BBS4: variants seen among roughly 807,000 people sequenced by gnomAD.
BBS4 encodes the protein Bardet-Biedl syndrome 4.
In BBS4, 58 loss-of-function variants were observed where a neutral mutation model predicts 71.4. That is an observed-to-expected ratio of 0.81 (90% confidence interval 0.66 to 1.01). The LOEUF is 1.01. Among genes scored for constraint, BBS4 ranks in the 50% least tolerant of loss-of-function variants. The probability of loss-of-function intolerance (pLI) is 0.00; values close to 1 mark genes in which losing one functional copy is unlikely to be tolerated. For missense variants in BBS4, 660 were observed against 607.9 expected, an observed-to-expected ratio of 1.09 and a Z score of -0.90; for synonymous variants, 228 against 216.8, an observed-to-expected ratio of 1.05 and a Z score of -0.46.
intron 3 of BBS4, among the ~76,000 whole-genome samples, chr15:72,710,220 T>TTTTG (rs2065343526): frequency 8.2e-6 from 1 of 121,236 alleles, no homozygotes; most frequent in African/African-American, 3.2e-5. Context: ...TTTTTTTTTT[T>TTTTG]GAGATGGAGT....
At chr15:72,715,435 C>T in intron 5 of BBS4, 33 bp downstream of exon 5, 1 of 1,449,844 alleles carries the variant, frequency 6.9e-7, no homozygotes. Context: ...CCCTAGGGCA[C>T]TCACAGAGAA....
rs191723284 is a variant in BBS4, at chr15:72,711,091, G to A, written c.157-1153G>A. On this transcript the variant is annotated intron_variant, in intron 3 of 15. Coordinates refer to ENST00000268057, the MANE Select transcript of BBS4 (RefSeq NM_033028.5). ...GCTGGGATTACAGGCGTGAGCCACC[G>A]CACCCGGCCCATACCAGTTTTTTTT... Among the ~76,000 whole-genome samples, 49 of 149,972 alleles carry A rather than the reference G, an allele frequency of 3.3e-4. 1 individual carries two copies. In the East Asian group the frequency reaches 9.3e-3, roughly 28 times the overall value.
intron 6 of BBS4, among the ~76,000 whole-genome samples, chr15:72,720,788 A>G (rs2065557853): frequency 1.3e-5 from 2 of 152,282 alleles, no homozygotes; most frequent in South Asian, 4.1e-4. Flanking sequence ...CACTGTACCA[A>G]CTGCCTTTGC....
Position 72,738,027 on chromosome 15 carries a change from G to T in BBS4, c.*440G>T. On this transcript the variant is annotated 3_prime_UTR_variant, in exon 16 of 16. Transcript: ENST00000268057. ...ACTGAGGTGATCCTCAGGTTGTGAGGTTTATTAGTCCCCAAGGCAAACACA... is the reference window on the plus strand; with the variant it reads ...ACTGAGGTGATCCTCAGGTTGTGAGTTTTATTAGTCCCCAAGGCAAACACA... The T allele has an allele frequency of 2.2e-6, 1 of 454,094 alleles. No homozygotes were observed. The highest frequency in any genetic ancestry group is 1.6e-5 in the South Asian group (1 of 64,466). 28.1% of individuals were successfully genotyped at this position (454,094 alleles called of 1,614,324 possible). A position where few individuals can be genotyped will look rare whatever the true frequency, so the allele number is the denominator to read the frequency against.
chr15:72,719,375 C>T (rs530461544), intron 6 of BBS4, among the ~76,000 whole-genome samples: 6 of 151,658 alleles, frequency 4.0e-5, no homozygotes, highest in African/African-American at 1.5e-4. Flanking sequence ...CTGCCTCTGC[C>T]TCCTGAGTAG....
chr15:72,724,671 T>G lies in BBS4; in HGVS notation c.587+16T>G. 6.2e-7 allele frequency: 1 copy of G among 1,613,682 alleles called. No individual in the cohort carries two copies. The highest frequency in any genetic ancestry group is 8.5e-7 in the Non-Finnish European group (1 of 1,179,690). ...AAGCAGTGGAGTAAGTGTATCTGTTTCCTTTAAAACAGTGAGAAACTAAAA... is the reference window on the plus strand; with the variant it reads ...AAGCAGTGGAGTAAGTGTATCTGTTGCCTTTAAAACAGTGAGAAACTAAAA... On this transcript the variant is annotated intron_variant, in intron 8 of 15. Coordinates refer to ENST00000268057, the MANE Select transcript of BBS4 (RefSeq NM_033028.5).
At position 72,735,140 on chromosome 15, in the gene BBS4, A is replaced by G. The variant is rs1173225431; in HGVS notation, c.1064A>G (p.Glu355Gly). The G allele has an allele frequency of 7.4e-6, 12 of 1,613,814 alleles. No homozygotes were observed. Among genetic ancestry groups the G allele is most frequent in the Admixed American group, 1.7e-5 (1 of 60,014 alleles). Residue 355 changes from glutamate (E) to glycine (G), a missense_variant, in exon 13 of 16, where the codon GAA becomes GGA. By Grantham distance (98) the Glu-to-Gly change is moderately conservative. Transcript: ENST00000268057. ...AVALTNLEDI[E>G]NAKRAYAEAV... ...GCTCTGACCAATCTGGAAGATATAG[A>G]AAATGCCAAGAGAGCCTACGCAGAA...
At chr15:72,689,913 C>G (rs2064953530) in intron 1 of BBS4, among the ~76,000 whole-genome samples, 1 of 152,086 alleles carries the variant, frequency 6.6e-6, no homozygotes, top group African/African-American at 2.4e-5. Flanking sequence ...CGGGTTCACG[C>G]CATTCTCCAG....
At position 72,724,637 on chromosome 15, in the gene BBS4, T is replaced by G; in HGVS notation, c.569T>G (p.Val190Gly). The G allele has an allele frequency of 6.2e-7, 1 of 1,613,988 alleles. No individual in the cohort carries two copies. The highest frequency in any genetic ancestry group is 8.5e-7 in the Non-Finnish European group (1 of 1,179,928). The change falls in exon 8 of 16, where the codon GTC becomes GGC. Residue 190 changes from valine to glycine, a missense_variant. Physicochemically the swap from Val to Gly is moderately radical, Grantham distance 109. Coordinates refer to ENST00000268057, the MANE Select transcript of BBS4 (RefSeq NM_033028.5). ...GGAGACTTGGACAAGGCCATTGAAGTCTACAAGAAAGCAGTGGAGTAAGTG... is the reference window on the plus strand; with the variant it reads ...GGAGACTTGGACAAGGCCATTGAAGGCTACAAGAAAGCAGTGGAGTAAGTG... Reference protein sequence around the residue: ...LEGDLDKAIEVYKKAVEFSPE... With the variant: ...LEGDLDKAIEGYKKAVEFSPE...
intron 2 of BBS4, among the ~76,000 whole-genome samples, chr15:72,706,418 G>A (rs2065265657): frequency 6.6e-6 from 1 of 152,124 alleles, no homozygotes; most frequent in African/African-American, 2.4e-5. Context: ...TTACAGGCGT[G>A]AGTCACCACC....
At chr15:72,686,895 G>T in intron 1 of BBS4, 1 of 298,536 alleles carries the variant, frequency 3.3e-6, no homozygotes, top group Non-Finnish European at 6.6e-6. Context: ...GGGTTTGAAA[G>T]CCTGTTCTGT....
intron 1 of BBS4, among the ~76,000 whole-genome samples, chr15:72,687,662 T>A (rs1308671819): frequency 6.6e-6 from 1 of 151,756 alleles, no homozygotes; most frequent in African/African-American, 2.4e-5. Flanking sequence ...GCTCAGTGGC[T>A]CACGCCTGTA....
chr15:72,715,378 A>AT lies in BBS4; in HGVS notation c.308_309insT (p.Leu104ProfsTer15). ...GTTCTTAGTCCTCAGAGTGCTGATAACCTCAAGCAGGTGGCCAGATCTTTG... is the reference window on the plus strand; with the variant it reads ...GTTCTTAGTCCTCAGAGTGCTGATAATCCTCAAGCAGGTGGCCAGATCTTTG... On this transcript the variant is annotated frameshift_variant, in exon 5 of 16. Coordinates refer to ENST00000268057, the MANE Select transcript of BBS4 (RefSeq NM_033028.5). LOFTEE classifies it high-confidence loss of function. 1 of 1,613,874 alleles carries AT rather than the reference A, an allele frequency of 6.2e-7. No individual in the cohort carries two copies. Among genetic ancestry groups the AT allele is most frequent in the East Asian group, 2.2e-5 (1 of 44,878 alleles).
rs367767132 is a variant in BBS4, at chr15:72,735,152, G to A, written c.1076G>A (p.Arg359Lys). The change falls in exon 13 of 16, where the codon AGA (arginine) becomes AAA (lysine). Residue 359 changes from arginine to lysine, a missense_variant. Transcript: ENST00000268057. ...CTGGAAGATATAGAAAATGCCAAGA[G>A]AGCCTACGCAGAAGCAGTCCACCTG... ...TNLEDIENAK[R>K]AYAEAVHLDK... 5.6e-6 allele frequency: 9 copies of A among 1,613,746 alleles called. No individual in the cohort carries two copies. Among genetic ancestry groups the A allele is most frequent in the Non-Finnish European group, 7.6e-6 (9 of 1,179,842 alleles).
intron 8 of BBS4, among the ~76,000 whole-genome samples, chr15:72,727,352 A>T (rs2065722494): frequency 6.6e-6 from 1 of 152,208 alleles, no homozygotes; most frequent in South Asian, 2.1e-4. Context: ...GCAATCCCTG[A>T]TGTGAGTATT....
At chr15:72,687,321 A>G (rs994951154) in intron 1 of BBS4, among the ~76,000 whole-genome samples, 15 of 151,860 alleles carry the variant, frequency 9.9e-5, no homozygotes, top group African/African-American at 1.5e-4. Flanking sequence ...TAAAATAGCT[A>G]GGCCGGACGC....
intron 2 of BBS4, among the ~76,000 whole-genome samples, chr15:72,702,229 T>C (rs1432451071): frequency 1.3e-5 from 2 of 152,174 alleles, no homozygotes; most frequent in Non-Finnish European, 2.9e-5. Flanking sequence ...GAAAATCCTT[T>C]ATGATTGGGC....
rs775034843 is a variant in BBS4, at chr15:72,731,392, C to G, written c.799C>G (p.Pro267Ala). The G allele has an allele frequency of 3.1e-6, 5 of 1,613,784 alleles. No homozygotes were observed. In the Admixed American group the frequency reaches 8.3e-5, roughly 27 times the overall value. ...ATACAGAGTTGTGGCTTGTGCTGTT[C>G]CAGAAAGTCCTCCACTCTGGAATAA... is the stretch of plus-strand genomic sequence containing the variant. Reference protein sequence around the residue: ...TKYRVVACAVPESPPLWNNIG... With the variant: ...TKYRVVACAVAESPPLWNNIG... Residue 267 changes from proline to alanine, a missense_variant, in exon 11 of 16, where the codon CCA becomes GCA. Coordinates refer to ENST00000268057, the MANE Select transcript of BBS4 (RefSeq NM_033028.5).
intron 6 of BBS4, among the ~76,000 whole-genome samples, chr15:72,719,746 A>AT (rs2065532184): frequency 8.7e-6 from 1 of 114,496 alleles, no homozygotes; most frequent in Admixed American, 1.1e-4. Flanking sequence ...CAAAACAGCC[A>AT]TTCTTTTTTT....
Sources: gnomAD v4.1 joint callset for allele counts (sites outside exome capture counted in the v4.1 genomes callset) on GRCh38, gnomAD v4.1.1 for gene constraint, MANE v1.5 for transcripts, NCBI Gene and HGNC (gene_info 2026-07-23, HGNC 2026-07-21) for gene names.